The following TRPM2 variants were observed in gnomAD, a reference collection of about 807,000 sequenced individuals.
TRPM2 encodes the protein transient receptor potential cation channel subfamily M member 2, also known as estrogen-responsive element-associated gene 1 protein.
Under a neutral mutation model 174.0 loss-of-function variants are expected in TRPM2, and 161 were observed. That is an observed-to-expected ratio of 0.93 (90% CI 0.81 to 1.05). The LOEUF (loss-of-function observed/expected upper bound fraction) is 1.05, where lower values mean the gene tolerates loss of function less well. Among genes scored for constraint, TRPM2 ranks in the 50% least tolerant of loss-of-function variants. TRPM2 has a pLI of 0.00. For missense variants in TRPM2, 2,057 were observed against 2,038.0 expected, an observed-to-expected ratio of 1.01 and a Z score of -0.18; for synonymous variants, 954 against 861.3, an observed-to-expected ratio of 1.11 and a Z score of -1.88.
intron 11 of TRPM2, among the ~76,000 whole-genome samples, chr21:44,394,762 C>T (rs183614483): frequency 2.8e-4 from 43 of 152,328 alleles, no homozygotes; most frequent in African/African-American, 9.6e-4. Context: ...AAGAAAAACA[C>T]ATTTCTTTAT....
At chr21:44,396,063 C>G (rs111164047) in intron 12 of TRPM2, among the ~76,000 whole-genome samples, 14 of 12,910 alleles carry the variant, frequency 1.1e-3, no homozygotes, top group East Asian at 1.8e-3. Context: ...GTGTGGAGGG[C>G]TGTGGAGGGA....
chr21:44,364,122 T>A lies in TRPM2; in HGVS notation c.263T>A (p.Val88Glu). Residue 88 changes from valine to glutamate, a missense_variant, in exon 3 of 32, where the codon GTG (valine) becomes GAG (glutamate). By Grantham distance (121) the Val-to-Glu change is moderately radical. Transcript: ENST00000397928. ...GTGCTGTGTCTTTGCAGGAAGGTGGTGTGTCAGTGTGGCTACACGCATGAG... is the reference window on the plus strand; with the variant it reads ...GTGCTGTGTCTTTGCAGGAAGGTGGAGTGTCAGTGTGGCTACACGCATGAG... Reference protein sequence around the residue: ...SSKLSDAGKVVCQCGYTHEQH... With the variant: ...SSKLSDAGKVECQCGYTHEQH... 6.2e-7 allele frequency: 1 copy of A among 1,613,654 alleles called. No individual in the cohort carries two copies. The highest frequency in any genetic ancestry group is 8.5e-7 in the Non-Finnish European group (1 of 1,179,788).
rs763303047 is a variant in TRPM2, at chr21:44,437,096, A to G, written c.4096A>G (p.Lys1366Glu). 2.1e-4 allele frequency: 324 copies of G among 1,551,242 alleles called. No homozygotes were observed. The highest frequency in any genetic ancestry group is 6.9e-4 in the Admixed American group (35 of 50,998). ...RRNEDGAICR[K>E]SIKKMLEVLV... ...GAACGAGGATGGAGCCATCTGCAGG[A>G]AGAGCATAAAGAAGATGCTGGAAGT... The change falls in exon 29 of 32, where the codon AAG (lysine) becomes GAG (glutamate). Residue 1366 changes from lysine (K) to glutamate (E), a missense_variant. Physicochemically the swap from Lys to Glu is moderately conservative, Grantham distance 56. Transcript: ENST00000397928.
chr21:44,389,677 A>G (rs2049114582), intron 9 of TRPM2, among the ~76,000 whole-genome samples: 1 of 152,062 alleles, frequency 6.6e-6, no homozygotes, highest in Non-Finnish European at 1.5e-5. Flanking sequence ...CTTTTTGGCC[A>G]TTTGCCTGTC....
rs142650258 is a variant in TRPM2 at position 44,399,324 on chromosome 21, C to T, written c.2091C>T (p.Asp697=). The T allele has an allele frequency of 1.9e-5, 30 of 1,612,580 alleles. No individual in the cohort carries two copies. Among genetic ancestry groups the T allele is most frequent in the South Asian group, 1.8e-4 (16 of 91,072 alleles). The change falls in exon 14 of 32, where the codon GAC becomes GAT. Residue 697 remains aspartate (D), a synonymous_variant. Coordinates refer to ENST00000397928, the MANE Select transcript of TRPM2 (RefSeq NM_003307.4). This position sits in a 1 kb window ranked among gnomAD's most constrained non-coding sequence, Gnocchi z 4.6. ...IGVFTECYRK[D]EERAQKLLTR... is the part of the protein sequence containing the mutation. The stretch of plus-strand genomic sequence containing the variant: ...TCTTCACCGAGTGCTACCGGAAGGA[C>T]GAAGAGAGAGCCCAGAAACTGCTCA...
At chr21:44,418,628 G>T in intron 22 of TRPM2, 73 bp downstream of exon 22, 1 of 1,576,752 alleles carries the variant, frequency 6.3e-7, no homozygotes, top group Non-Finnish European at 8.7e-7. Context: ...GGCACCATGA[G>T]TACATGTCCC....
intron 22 of TRPM2, among the ~76,000 whole-genome samples, chr21:44,420,871 T>A (rs1157260284): frequency 6.6e-6 from 1 of 151,966 alleles, no homozygotes; most frequent in Non-Finnish European, 1.5e-5. Context: ...CAGAGGGAGG[T>A]ATTTTTCCTT....
chr21:44,440,757 G>T (rs375430815), intron 30 of TRPM2, 32 bp from the exon 31 acceptor site: 7 of 1,596,496 alleles, frequency 4.4e-6, no homozygotes, highest in Admixed American at 1.7e-5. Flanking sequence ...GGTGTCCCTC[G>T]CTGTCGGGCT....
At chr21:44,352,935 G>A (rs1341659764), upstream of TRPM2, among the ~76,000 whole-genome samples, 4 of 152,194 alleles carry the variant, frequency 2.6e-5, no homozygotes, top group East Asian at 3.8e-4. Context: ...CTGGTGGATC[G>A]CCTGAGGTCA....
chr21:44,442,017 G>A lies in TRPM2; in HGVS notation c.*200G>A, dbSNP rs1478624273. 6.4e-6 allele frequency: 5 copies of A among 782,220 alleles called. No homozygotes were observed. The South Asian group carries it at 1.7e-4, about 27-fold the overall frequency. The allele number at this position is 782,220 out of a possible 1,614,324, so 48.5% of individuals were successfully genotyped here. A position where few individuals can be genotyped will look rare whatever the true frequency, so the allele number is the denominator to read the frequency against. On this transcript the variant is annotated 3_prime_UTR_variant, in exon 32 of 32. Coordinates refer to ENST00000397928, the MANE Select transcript of TRPM2 (RefSeq NM_003307.4). ...ACTGGAAGGGGTCAAGGTGACCCGGGAGGAGAGCTCAAGACAGGGCACAGG... is the reference window on the plus strand; with the variant it reads ...ACTGGAAGGGGTCAAGGTGACCCGGAAGGAGAGCTCAAGACAGGGCACAGG...
chr21:44,391,728 A>G lies in TRPM2; in HGVS notation c.1794+103A>G. On this transcript the variant is annotated intron_variant, in intron 11 of 31. Coordinates refer to ENST00000397928, the MANE Select transcript of TRPM2 (RefSeq NM_003307.4). The surrounding 1 kb of genome is among the most constrained non-coding windows in gnomAD (Gnocchi z 5.0). Reference sequence around the variant, plus strand: ...AAATTAGCTTTTATTTTTATTAGAAAAGACACATGCTCTATCTTAGGCTGC... The same window carrying G: ...AAATTAGCTTTTATTTTTATTAGAAGAGACACATGCTCTATCTTAGGCTGC... The G allele has an allele frequency of 1.8e-6, 2 of 1,121,118 alleles. No individual in the cohort carries two copies. The highest frequency in any genetic ancestry group is 2.6e-5 in the East Asian group (1 of 38,522). 69.4% of individuals were successfully genotyped at this position (1,121,118 alleles called of 1,614,324 possible). A position where few individuals can be genotyped will look rare whatever the true frequency, so the allele number is the denominator to read the frequency against.
chr21:44,433,048 C>T (rs763807676), intron 27 of TRPM2, among the ~76,000 whole-genome samples: 8 of 152,076 alleles, frequency 5.3e-5, no homozygotes, highest in South Asian at 2.1e-4. Flanking sequence ...GTGGGGGCTG[C>T]GGTGGGAGGA....
At chr21:44,350,675 G>T (rs1450845031), upstream of TRPM2, among the ~76,000 whole-genome samples, 2 of 145,810 alleles carry the variant, frequency 1.4e-5, no homozygotes, top group Admixed American at 1.3e-4. Context: ...GTGCGGTGGG[G>T]TGCAGGGGCG....
intron 30 of TRPM2, 101 bp from the exon 31 acceptor site, chr21:44,440,688 A>AAGCTGTGCTCAG: frequency 2.0e-6 from 2 of 988,508 alleles, no homozygotes; most frequent in Non-Finnish European, 3.2e-6. Flanking sequence ...TGTGTGCTGG[A>AAGCTGTGCTCAG]AGCTGTGCTC....
intron 5 of TRPM2, among the ~76,000 whole-genome samples, chr21:44,373,166 C>T (rs1017058250): frequency 1.3e-5 from 2 of 152,082 alleles, no homozygotes; most frequent in African/African-American, 4.8e-5. Flanking sequence ...TGTTTAGACA[C>T]ACCCTTGGCC....
At chr21:44,364,969 T>A (rs2048317400) in intron 3 of TRPM2, among the ~76,000 whole-genome samples, 1 of 152,176 alleles carries the variant, frequency 6.6e-6, no homozygotes, top group Admixed American at 6.5e-5. Context: ...CCCTTGCATG[T>A]TGACCAGCCT....
At chr21:44,413,828 T>G in intron 19 of TRPM2, 63 bp from the exon 20 acceptor site, 1 of 1,557,648 alleles carries the variant, frequency 6.4e-7, no homozygotes, top group Admixed American at 1.8e-5. Flanking sequence ...GGCCCCCTCC[T>G]GCCAAGCTCC....
At chr21:44,403,523 C>T (rs899087787) in intron 16 of TRPM2, among the ~76,000 whole-genome samples, 2 of 150,410 alleles carry the variant, frequency 1.3e-5, no homozygotes, top group Non-Finnish European at 3.0e-5. Flanking sequence ...TACACATGCA[C>T]ACAAATGCAC....
Position 44,391,605 on chromosome 21 carries a change from G to T in TRPM2, c.1774G>T (p.Val592Phe). ...CGACCGGCTGCGGCTCCTGCTGCCC[G>T]TTCCCCACGTCAAGCTCAACGTGCG... ...HNDRLRLLLP[V>F]PHVKLNVQGV... The change falls in exon 11 of 32, where the codon GTT (valine) becomes TTT (phenylalanine). Residue 592 changes from valine (V) to phenylalanine (F), a missense_variant. Physicochemically the swap from Val to Phe is conservative, Grantham distance 50. Coordinates refer to ENST00000397928, the MANE Select transcript of TRPM2 (RefSeq NM_003307.4). The surrounding 1 kb of genome is among the most constrained non-coding windows in gnomAD (Gnocchi z 5.0). 6.3e-7 allele frequency: 1 copy of T among 1,579,844 alleles called. No homozygotes were observed. Among genetic ancestry groups the T allele is most frequent in the Non-Finnish European group, 8.5e-7 (1 of 1,169,670 alleles).
Sources: allele counts gnomAD v4.1 joint callset (sites outside exome capture counted in the v4.1 genomes callset), GRCh38; gene constraint gnomAD v4.1.1; non-coding constraint Gnocchi (gnomAD v3.1); transcripts MANE v1.5; gene names NCBI Gene and HGNC (gene_info 2026-07-23, HGNC 2026-07-21).